Variants in EPB41L5 observed in about 807,000 individuals in gnomAD.
The protein encoded by EPB41L5 is erythrocyte membrane protein band 4.1 like 5.
Under a neutral mutation model 106.6 loss-of-function variants are expected in EPB41L5, and 55 were observed. The observed-to-expected ratio is 0.52, with a 90% CI of 0.42 to 0.65. The LOEUF is 0.65. Among genes scored for constraint, EPB41L5 ranks in the 30% least tolerant of loss-of-function variants. The pLI is 0.00. For synonymous variants in EPB41L5, 297 were observed against 306.7 expected, an observed-to-expected ratio of 0.97 and a Z score of 0.33; for missense variants, 871 against 882.1, an observed-to-expected ratio of 0.99 and a Z score of 0.16.
intron 16 of EPB41L5, 112 bp downstream of exon 16, chr2:120,100,926 T>A (rs765020782): frequency 1.1e-5 from 8 of 703,776 alleles, no homozygotes; most frequent in Non-Finnish European, 1.9e-5. Context: ...TTATTCATAT[T>A]TGTGAGCTGG....
intron 22 of EPB41L5, among the ~76,000 whole-genome samples, chr2:120,166,710 A>T (rs766279845): frequency 1.3e-5 from 2 of 152,240 alleles, no homozygotes; most frequent in African/African-American, 2.4e-5. Flanking sequence ...TGCTGGGGTT[A>T]CAGGCGTGCG....
At chr2:120,058,366 A>G (rs531570673) in intron 3 of EPB41L5, among the ~76,000 whole-genome samples, 1 of 152,098 alleles carries the variant, frequency 6.6e-6, no homozygotes, top group African/African-American at 2.4e-5. Context: ...AAAAAATAAT[A>G]ATTTTGTAGA....
chr2:120,121,344 C>A (rs921271455), intron 16 of EPB41L5, among the ~76,000 whole-genome samples: 1 of 152,088 alleles, frequency 6.6e-6, no homozygotes, highest in African/African-American at 2.4e-5. Context: ...CTAATGCTAT[C>A]CCTCCCCCAC....
At chr2:120,105,410 C>A (rs926858564) in intron 16 of EPB41L5, 7 of 984,066 alleles carry the variant, frequency 7.1e-6, no homozygotes, top group Non-Finnish European at 8.4e-6. Context: ...TTAATGCATC[C>A]TGCTCACATA....
rs59963290 is a variant in EPB41L5, at chr2:120,014,655, C to T, written c.-9+1445C>T. Among the ~76,000 whole-genome samples the T allele has an allele frequency of 7.9e-3, 1,195 of 152,014 alleles. 13 individuals carry two copies. The highest frequency in any genetic ancestry group is 0.027 in the African/African-American group (1,136 of 41,454). On this transcript the variant is annotated intron_variant, in intron 1 of 24. Transcript: ENST00000263713. ...TGAAGTTAGTCCAGTGAAATGGGAGCGGGTGGAAGAGAGGTCAACTGGAAA... is the reference window on the plus strand; with the variant it reads ...TGAAGTTAGTCCAGTGAAATGGGAGTGGGTGGAAGAGAGGTCAACTGGAAA...
chr2:120,128,030 A>G (rs944444644), intron 17 of EPB41L5, 179 bp downstream of exon 17: 3 of 457,484 alleles, frequency 6.6e-6, no homozygotes, highest in African/African-American at 2.0e-5. Context: ...TTAAGATAAC[A>G]TAATTGAGGT....
chr2:120,095,409 T>C (rs1053143431), intron 14 of EPB41L5, among the ~76,000 whole-genome samples: 1 of 152,070 alleles, frequency 6.6e-6, no homozygotes, highest in Non-Finnish European at 1.5e-5. Context: ...ATGCTGTCTT[T>C]CTCTTCTCCT....
chr2:120,098,965 G>T (rs1262731225), intron 14 of EPB41L5, among the ~76,000 whole-genome samples: 1 of 152,180 alleles, frequency 6.6e-6, no homozygotes, highest in Non-Finnish European at 1.5e-5. Context: ...TTACTGCTAT[G>T]GGAGGCCTTT....
Position 120,135,323 on chromosome 2 carries a change from G to A in EPB41L5, c.1599+3608G>A, listed in dbSNP as rs192299743. Among the ~76,000 whole-genome samples, 424 of 152,178 alleles carry A rather than the reference G, an allele frequency of 2.8e-3. 8 individuals are homozygous for A. Among genetic ancestry groups the A allele is most frequent in the African/African-American group, 9.6e-3 (398 of 41,522 alleles). ...GAGTATAGCTTCAAAAGGACAAATCGAAGAGTTATTGGCCTTAAAGAAGAG... is the reference window on the plus strand; with the variant it reads ...GAGTATAGCTTCAAAAGGACAAATCAAAGAGTTATTGGCCTTAAAGAAGAG... On this transcript the variant is annotated intron_variant, in intron 18 of 24. Transcript: ENST00000263713.
intron 21 of EPB41L5, among the ~76,000 whole-genome samples, chr2:120,163,465 A>G (rs1687232219): frequency 6.6e-6 from 1 of 152,096 alleles, no homozygotes; most frequent in Non-Finnish European, 1.5e-5. Context: ...AAGTATTAAC[A>G]TTTATAGGGA....
intron 20 of EPB41L5, among the ~76,000 whole-genome samples, chr2:120,159,597 G>A (rs781595914): frequency 1.3e-5 from 2 of 152,002 alleles, no homozygotes. Flanking sequence ...AATAGCCAAG[G>A]CAATCCTAAG....
chr2:120,077,198 T>G (rs35610730), intron 8 of EPB41L5, 31 bp from the exon 9 acceptor site: 2 of 1,587,800 alleles, frequency 1.3e-6, no homozygotes, highest in South Asian at 1.2e-5. Flanking sequence ...ATATTTATTG[T>G]TACTTTAAAA....
intron 16 of EPB41L5, among the ~76,000 whole-genome samples, chr2:120,118,527 G>T (rs1464674206): frequency 1.3e-5 from 2 of 151,878 alleles, no homozygotes; most frequent in Non-Finnish European, 2.9e-5. Flanking sequence ...CCCCCGACAG[G>T]CCCCAGTGTG....
chr2:120,026,403 C>G (rs1678315791), intron 2 of EPB41L5, among the ~76,000 whole-genome samples: 1 of 151,998 alleles, frequency 6.6e-6, no homozygotes, highest in Non-Finnish European at 1.5e-5. Context: ...GAGTCTCACT[C>G]TATTGCTCAG....
intron 3 of EPB41L5, among the ~76,000 whole-genome samples, chr2:120,068,899 G>A (rs150980874): frequency 0.014 from 2,099 of 151,810 alleles, 24 homozygotes; most frequent in Middle Eastern, 0.031. Flanking sequence ...AGGCCAAGGC[G>A]GGTGGTTCAC....
At chr2:120,065,548 A>G (rs1403007205) in intron 3 of EPB41L5, among the ~76,000 whole-genome samples, 1 of 140,086 alleles carries the variant, frequency 7.1e-6, no homozygotes, top group Non-Finnish European at 1.5e-5. Context: ...AGTCTCGCTC[A>G]CTCTGTCACC....
At chr2:120,077,354 T>G (rs751654963) in intron 9 of EPB41L5, 38 bp downstream of exon 9, 2 of 1,570,032 alleles carry the variant, frequency 1.3e-6, no homozygotes, top group Admixed American at 3.4e-5. Flanking sequence ...AAAAATTTAT[T>G]CTTTGGAGGT....
At chr2:120,119,150 C>A (rs1685091150) in intron 16 of EPB41L5, among the ~76,000 whole-genome samples, 2 of 151,966 alleles carry the variant, frequency 1.3e-5, no homozygotes, top group Non-Finnish European at 2.9e-5. Flanking sequence ...AGTGTCTGTT[C>A]ATGTCCTTTG....
chr2:120,129,135 T>C (rs1685588896), intron 17 of EPB41L5, among the ~76,000 whole-genome samples: 1 of 152,124 alleles, frequency 6.6e-6, no homozygotes, highest in Admixed American at 6.5e-5. Flanking sequence ...TACCACGTAA[T>C]ATACCCTTAT....
Sources: gnomAD v4.1 joint callset for allele counts (sites outside exome capture counted in the v4.1 genomes callset) on GRCh38, gnomAD v4.1.1 for gene constraint, MANE v1.5 for transcripts, NCBI Gene and HGNC (gene_info 2026-07-23, HGNC 2026-07-21) for gene names.